APOL6: variants seen among roughly 807,000 people sequenced by gnomAD.
The protein encoded by APOL6 is apolipoprotein L6.
APOL6 carries 1 observed loss-of-function variant against 2.4 expected under a neutral mutation model. That is an observed-to-expected ratio of 0.41 (90% CI 0.15 to 1.94). The LOEUF is 1.94. Among genes scored for constraint, APOL6 ranks in the 30% most tolerant of loss-of-function variants. The pLI is 0.30. For synonymous variants in APOL6, 189 were observed against 169.3 expected (o/e 1.12, Z -0.90); for missense variants, 438 against 429.2 (o/e 1.02, Z -0.18).
rs1925102202 is a variant in APOL6, at chr22:35,663,938, T to C, written c.*4342T>C. Reference sequence around the variant, plus strand: ...ATGTATGTATGTGTTGTGTACACGATGTTTTAGTGCTAAAAATATGTAAAA... The same window carrying C: ...ATGTATGTATGTGTTGTGTACACGACGTTTTAGTGCTAAAAATATGTAAAA... On this transcript the variant is annotated 3_prime_UTR_variant, in exon 3 of 3. Coordinates refer to ENST00000409652, the MANE Select transcript of APOL6 (RefSeq NM_030641.4). 1 of 152,226 alleles carries C rather than the reference T, an allele frequency of 6.6e-6. No individual in the cohort carries two copies. The highest frequency in any genetic ancestry group is 6.5e-5 in the Admixed American group (1 of 15,284). The allele number at this position is 152,226 out of a possible 1,614,324, so 9.4% of individuals were successfully genotyped here.
chr22:35,658,473 A>T, intron 2 of APOL6, 142 bp from the exon 3 acceptor site: 1 of 735,592 alleles, frequency 1.4e-6, no homozygotes. Context: ...GAACTACTCT[A>T]CAATGCTCTA....
At chr22:35,652,774 G>T (rs1924732587) in intron 1 of APOL6, among the ~76,000 whole-genome samples, 1 of 151,940 alleles carries the variant, frequency 6.6e-6, no homozygotes, top group Non-Finnish European at 1.5e-5. Context: ...TTTGGTACCA[G>T]TACCATGCTG....
rs1414921584 is a variant in APOL6, at chr22:35,663,672, A to ATT, written c.*4077_*4078insTT. On this transcript the variant is annotated 3_prime_UTR_variant, in exon 3 of 3. Transcript: ENST00000409652. ...ATATCGCTCAAAGAAAAATAAAAGCATCTCCCTCTAACACCACCAGACTTT... is the reference window on the plus strand; with the variant it reads ...ATATCGCTCAAAGAAAAATAAAAGCATTTCTCCCTCTAACACCACCAGACTTT... 6.6e-6 allele frequency: 1 copy of ATT among 152,174 alleles called. No individual in the cohort carries two copies. Among genetic ancestry groups the ATT allele is most frequent in the African/African-American group, 2.4e-5 (1 of 41,442 alleles). 9.4% of individuals were successfully genotyped at this position (152,174 alleles called of 1,614,324 possible).
At position 35,667,374 on chromosome 22, in the gene APOL6, GT is replaced by G. The variant is rs1569137616; in HGVS notation, c.*7780del. 6.6e-6 allele frequency: 1 copy of G among 152,204 alleles called. No homozygotes were observed. The highest frequency in any genetic ancestry group is 2.4e-5 in the African/African-American group (1 of 41,438). The allele number at this position is 152,204 out of a possible 1,614,324, so 9.4% of individuals were successfully genotyped here. A position where few individuals can be genotyped will look rare whatever the true frequency, so the allele number is the denominator to read the frequency against. On this transcript the variant is annotated 3_prime_UTR_variant, in exon 3 of 3. Coordinates refer to ENST00000409652, the MANE Select transcript of APOL6 (RefSeq NM_030641.4). ...AGATTCAAAGCCAGAGTTGCTGTCAGTTCATTGGTAGAGATGCCATCACTGG... is the reference window on the plus strand; with the variant it reads ...AGATTCAAAGCCAGAGTTGCTGTCAGTCATTGGTAGAGATGCCATCACTGG...
In APOL6 at chr22:35,667,699, C is replaced by A. The variant is rs1416393477; in HGVS notation, c.*8103C>A. 1.3e-5 allele frequency: 2 copies of A among 152,170 alleles called. No homozygotes were observed. Among genetic ancestry groups the A allele is most frequent in the Non-Finnish European group, 2.9e-5 (2 of 68,018 alleles). 9.4% of individuals were successfully genotyped at this position (152,170 alleles called of 1,614,324 possible). A position where few individuals can be genotyped will look rare whatever the true frequency, so the allele number is the denominator to read the frequency against. On this transcript the variant is annotated 3_prime_UTR_variant, in exon 3 of 3. Coordinates refer to ENST00000409652, the MANE Select transcript of APOL6 (RefSeq NM_030641.4). ...AGACCAGGGTCAGCAACCCAAGAAG[C>A]CTGACTTCCAAGCTGTGCTTTTAAC...
Position 35,659,044 on chromosome 22 carries a change from G to A in APOL6, c.480G>A (p.Lys160=). The change falls in exon 3 of 3, where the codon AAG becomes AAA. Residue 160 remains lysine (K), a synonymous_variant. Coordinates refer to ENST00000409652, the MANE Select transcript of APOL6 (RefSeq NM_030641.4). ...DQEDREDEEE[K]ADYVTAAGKI... is the part of the protein sequence containing the mutation. ...AGGACAGGGAGGATGAGGAAGAGAA[G>A]GCAGACTATGTCACAGCTGCTGGAA... The A allele has an allele frequency of 6.2e-7, 1 of 1,613,908 alleles. No individual in the cohort carries two copies. Among genetic ancestry groups the A allele is most frequent in the Non-Finnish European group, 8.5e-7 (1 of 1,180,022 alleles).
In APOL6 at chr22:35,665,759, T is replaced by C. The variant is rs577494988; in HGVS notation, c.*6163T>C. Reference sequence around the variant, plus strand: ...AAGTTAAGTCACCTCTCTCAAAGAATGAAGGTTTTTGCTTTTTTTGAAATC... The same window carrying C: ...AAGTTAAGTCACCTCTCTCAAAGAACGAAGGTTTTTGCTTTTTTTGAAATC... On this transcript the variant is annotated 3_prime_UTR_variant, in exon 3 of 3. Transcript: ENST00000409652. 22 of 152,242 alleles carry C rather than the reference T, an allele frequency of 1.4e-4. No homozygotes were observed. Among genetic ancestry groups the C allele is most frequent in the Non-Finnish European group, 2.6e-4 (18 of 68,042 alleles). 9.4% of individuals were successfully genotyped at this position (152,242 alleles called of 1,614,324 possible). A position where few individuals can be genotyped will look rare whatever the true frequency, so the allele number is the denominator to read the frequency against.
Position 35,656,026 on chromosome 22 carries a change from G to A in APOL6, c.-47-353G>A, listed in dbSNP as rs143357508. On this transcript the variant is annotated intron_variant, in intron 1 of 2. Coordinates refer to ENST00000409652, the MANE Select transcript of APOL6 (RefSeq NM_030641.4). Reference sequence around the variant, plus strand: ...GACAGCTTTACCTTTGTCAATTTATGTCTTGCTTTTAGGCAAATAGAGGGA... The same window carrying A: ...GACAGCTTTACCTTTGTCAATTTATATCTTGCTTTTAGGCAAATAGAGGGA... Among the ~76,000 whole-genome samples, 442 of 152,264 alleles carry A rather than the reference G, an allele frequency of 2.9e-3. 1 individual carries two copies. Among genetic ancestry groups the A allele is most frequent in the Non-Finnish European group, 4.9e-3 (333 of 68,012 alleles).
In APOL6 at chr22:35,662,622, C is replaced by G. The variant is rs886154868; in HGVS notation, c.*3026C>G. On this transcript the variant is annotated 3_prime_UTR_variant, in exon 3 of 3. Transcript: ENST00000409652. ...AAAATGTATAAAACCAAGGTATGCCCCAACCATCTTGGCCACATGTCATCA... is the reference window on the plus strand; with the variant it reads ...AAAATGTATAAAACCAAGGTATGCCGCAACCATCTTGGCCACATGTCATCA... 2.0e-5 allele frequency: 3 copies of G among 152,244 alleles called. No individual in the cohort carries two copies. Among genetic ancestry groups the G allele is most frequent in the Admixed American group, 2.0e-4 (3 of 15,278 alleles). 9.4% of individuals were successfully genotyped at this position (152,244 alleles called of 1,614,324 possible). A position where few individuals can be genotyped will look rare whatever the true frequency, so the allele number is the denominator to read the frequency against.
intron 1 of APOL6, among the ~76,000 whole-genome samples, chr22:35,651,593 T>C (rs1924697897): frequency 6.7e-6 from 1 of 149,446 alleles, no homozygotes; most frequent in East Asian, 2.0e-4. Flanking sequence ...TTCCCCTTCC[T>C]GTGTCCATGT....
At chr22:35,649,990 C>A (rs1245518105) in intron 1 of APOL6, among the ~76,000 whole-genome samples, 4 of 152,140 alleles carry the variant, frequency 2.6e-5, no homozygotes. Flanking sequence ...GCAAACACGC[C>A]CTGTTTGGGA....
In APOL6 at chr22:35,659,110, G is replaced by C. The variant is rs1924936261; in HGVS notation, c.546G>C (p.Lys182Asn). ...YNLRNTLKYA[K>N]KNVRAFWKLR... The stretch of plus-strand genomic sequence containing the variant: ...TTAGAAACACCTTGAAGTATGCCAA[G>C]AAAAACGTCCGTGCATTTTGGAAAC... Residue 182 changes from lysine (K) to asparagine (N), a missense_variant, in exon 3 of 3, where the codon AAG becomes AAC. Coordinates refer to ENST00000409652, the MANE Select transcript of APOL6 (RefSeq NM_030641.4). The C allele has an allele frequency of 1.9e-6, 3 of 1,613,942 alleles. No homozygotes were observed. Among genetic ancestry groups the C allele is most frequent in the Non-Finnish European group, 1.7e-6 (2 of 1,180,006 alleles).
At position 35,659,503 on chromosome 22, in the gene APOL6, C is replaced by T. The variant is rs373924843; in HGVS notation, c.939C>T (p.Thr313=). Residue 313 remains threonine, a synonymous_variant, in exon 3 of 3, where the codon ACC becomes ACT. Coordinates refer to ENST00000409652, the MANE Select transcript of APOL6 (RefSeq NM_030641.4). ...VGKDLTGTCE[T]EAYWKELREH... Reference sequence around the variant, plus strand: ...AGGATTTAACTGGGACCTGCGAAACCGAGGCTTACTGGAAGGAGTTAAGGG... The same window carrying T: ...AGGATTTAACTGGGACCTGCGAAACTGAGGCTTACTGGAAGGAGTTAAGGG... The T allele has an allele frequency of 2.5e-5, 40 of 1,613,924 alleles. No homozygotes were observed. The highest frequency in any genetic ancestry group is 2.8e-5 in the Non-Finnish European group (33 of 1,180,010).
Position 35,658,750 on chromosome 22 carries a change from C to G in APOL6, c.186C>G (p.Ala62=), listed in dbSNP as rs147441848. ...AAGGGAACATTGACAAGCTCCGTGC[C>G]CTCGCAGACGATATTGACAAAACCC... is the stretch of plus-strand genomic sequence containing the variant. The part of the protein sequence containing the change: ...DLKGNIDKLR[A]LADDIDKTHK... The change falls in exon 3 of 3, where the codon GCC becomes GCG. Residue 62 remains alanine (A), a synonymous_variant. Transcript: ENST00000409652. 1.2e-6 allele frequency: 2 copies of G among 1,614,136 alleles called. No homozygotes were observed. Among genetic ancestry groups the G allele is most frequent in the Non-Finnish European group, 1.7e-6 (2 of 1,180,036 alleles).
chr22:35,667,205 GC>G lies in APOL6; in HGVS notation c.*7613del, dbSNP rs1925209842. ...ATGTCACTTTCTGACAGGCACATAA[GC>G]CCCAGGTTTACCTCAGAACCTCAAG... On this transcript the variant is annotated 3_prime_UTR_variant, in exon 3 of 3. Transcript: ENST00000409652. The G allele has an allele frequency of 1.3e-5, 2 of 152,236 alleles. No individual in the cohort carries two copies. Among genetic ancestry groups the G allele is most frequent in the South Asian group, 4.2e-4 (2 of 4,814 alleles). 9.4% of individuals were successfully genotyped at this position (152,236 alleles called of 1,614,324 possible).
rs1174132066 is a variant in APOL6, at chr22:35,656,481, C to A, written c.50+6C>A. ...GCTGGTGTTGGTTTGCAAAGGTAATCCAAAGGGTGTAGTCCCCAGGGAGAG... is the reference window on the plus strand; with the variant it reads ...GCTGGTGTTGGTTTGCAAAGGTAATACAAAGGGTGTAGTCCCCAGGGAGAG... On this transcript the variant is annotated splice_donor_region_variant and intron_variant, in intron 2 of 2. Transcript: ENST00000409652. The A allele has an allele frequency of 3.7e-6, 6 of 1,613,868 alleles. No homozygotes were observed. Among genetic ancestry groups the A allele is most frequent in the Non-Finnish European group, 5.1e-6 (6 of 1,179,970 alleles).
rs143747983 is a variant in APOL6, at chr22:35,659,460, G to T, written c.896G>T (p.Arg299Met). The change falls in exon 3 of 3, where the codon AGG becomes ATG. Residue 299 changes from arginine to methionine, a missense_variant. Coordinates refer to ENST00000409652, the MANE Select transcript of APOL6 (RefSeq NM_030641.4). ...YKSLQQKVRS[R>M]ARGVGKDLTG... ...AGCTTGCAGCAGAAAGTGAGGTCAA[G>T]GGCCAGAGGGGTGGGGAAGGATTTA... 352 of 1,614,140 alleles carry T rather than the reference G, an allele frequency of 2.2e-4. 1 individual carries two copies. Among genetic ancestry groups the T allele is most frequent in the Middle Eastern group, 1.5e-3 (9 of 6,062 alleles).
intron 2 of APOL6, among the ~76,000 whole-genome samples, chr22:35,657,455 G>A (rs778392077): frequency 3.3e-5 from 5 of 152,118 alleles, no homozygotes; most frequent in African/African-American, 7.2e-5. Flanking sequence ...AATTGTGTGC[G>A]TGTGTGTGTG....
intron 1 of APOL6, among the ~76,000 whole-genome samples, chr22:35,653,026 T>A (rs1242486594): frequency 1.3e-5 from 2 of 151,830 alleles, no homozygotes; most frequent in Non-Finnish European, 2.9e-5. Context: ...TTCCTACCCA[T>A]GAGCATGGAA....
Sources: allele counts gnomAD v4.1 joint callset (sites outside exome capture counted in the v4.1 genomes callset), GRCh38; gene constraint gnomAD v4.1.1; transcripts MANE v1.5; gene names NCBI Gene and HGNC (gene_info 2026-07-23, HGNC 2026-07-21).